The following POLD3 variants were observed in gnomAD, a reference collection of about 807,000 sequenced individuals.
POLD3 encodes the protein DNA polymerase delta subunit 3.
Under a neutral mutation model 58.2 loss-of-function variants are expected in POLD3, and 19 were observed. That is an observed-to-expected ratio of 0.33 (90% CI 0.23 to 0.48). The LOEUF (loss-of-function observed/expected upper bound fraction) is 0.48, where lower values mean the gene tolerates loss of function less well. POLD3 is among the 20% of genes least tolerant of loss of function. The probability of loss-of-function intolerance (pLI) is 0.99; values close to 1 mark genes in which losing one functional copy is unlikely to be tolerated. For synonymous variants in POLD3, 172 were observed against 193.5 expected (o/e 0.89, Z 0.92); for missense variants, 504 against 545.5 (o/e 0.92, Z 0.76).
chr11:74,594,672 C>T (rs957863045), intron 2 of POLD3, among the ~76,000 whole-genome samples: 2 of 152,216 alleles, frequency 1.3e-5, no homozygotes, highest in Non-Finnish European at 2.9e-5. Context: ...AGTCCATTCT[C>T]ATGCTGCTAT....
chr11:74,615,610 G>A (rs565759025), intron 5 of POLD3, among the ~76,000 whole-genome samples: 82 of 152,272 alleles, frequency 5.4e-4, no homozygotes, highest in African/African-American at 1.9e-3. Flanking sequence ...AGCTAAGGAG[G>A]GATTGAGACG....
intron 7 of POLD3, among the ~76,000 whole-genome samples, chr11:74,622,124 G>C (rs2032282861): frequency 1.4e-4 from 21 of 146,548 alleles, no homozygotes; most frequent in Middle Eastern, 3.5e-3. Context: ...TGCGGTGTTT[G>C]GTTTTTTGTT....
At chr11:74,607,240 TTATA>T (rs1554974446) in intron 3 of POLD3, among the ~76,000 whole-genome samples, 1 of 61,916 alleles carries the variant, frequency 1.6e-5, no homozygotes, top group African/African-American at 8.5e-5. Flanking sequence ...ATTATTATTA[TTATA>T]TATTTATTTA....
rs568862701 is a variant in POLD3, at chr11:74,618,569, C to G, written c.425C>G (p.Pro142Arg). ...GCTATACAATGTGCAGCTGCCGTCC[C>G]TAGAGCTCCTGCTGAATCCTCTTCG... ...FSAIQCAAAVPRAPAESSSSS... is the reference protein window; with the variant it reads ...FSAIQCAAAVRRAPAESSSSS... Residue 142 changes from proline (P) to arginine (R), a missense_variant, in exon 6 of 12, where the codon CCT (proline) becomes CGT (arginine). This residue lies in a region of POLD3 where 119 missense variants were observed against 175.0 expected (regional missense o/e 0.68). Coordinates refer to ENST00000263681, the MANE Select transcript of POLD3 (RefSeq NM_006591.3). The G allele has an allele frequency of 6.2e-7, 1 of 1,613,538 alleles. No individual in the cohort carries two copies. The highest frequency in any genetic ancestry group is 1.3e-5 in the African/African-American group (1 of 75,018).
chr11:74,596,241 C>T (rs960695941), intron 2 of POLD3, among the ~76,000 whole-genome samples: 22 of 149,698 alleles, frequency 1.5e-4, no homozygotes, highest in African/African-American at 4.0e-4. Context: ...TGGAGTCCAA[C>T]GGCGTGATCT....
At chr11:74,612,777 C>G (rs186529469) in intron 4 of POLD3, 101 bp from the exon 5 acceptor site, 2 of 1,011,264 alleles carry the variant, frequency 2.0e-6, no homozygotes, top group Non-Finnish European at 1.4e-6. Flanking sequence ...TTTGGACCAC[C>G]ACAGATTACA....
intron 8 of POLD3, among the ~76,000 whole-genome samples, chr11:74,625,810 T>C (rs992158336): frequency 3.9e-5 from 6 of 151,942 alleles, no homozygotes; most frequent in African/African-American, 1.5e-4. Context: ...TTGGCCGTAT[T>C]GATCTAAATT....
At chr11:74,595,102 G>A (rs1478700803) in intron 2 of POLD3, 1 of 149,270 alleles carries the variant, frequency 6.7e-6, no homozygotes, top group Non-Finnish European at 1.5e-5. Context: ...GAGTATTTCA[G>A]TTTCTCCACA....
At chr11:74,622,241 G>A (rs1189838125) in intron 7 of POLD3, among the ~76,000 whole-genome samples, 2 of 152,088 alleles carry the variant, frequency 1.3e-5, no homozygotes, top group Non-Finnish European at 2.9e-5. Context: ...TGGTGTATAT[G>A]TGCCACATTT....
chr11:74,592,907 A>G, intron 1 of POLD3, 189 bp downstream of exon 1: 1 of 1,427,408 alleles, frequency 7.0e-7, no homozygotes, highest in Non-Finnish European at 9.2e-7. Context: ...GTCCTCCAGC[A>G]CACACGGAAG....
At chr11:74,622,911 A>G (rs1313731008) in intron 7 of POLD3, among the ~76,000 whole-genome samples, 1 of 152,248 alleles carries the variant, frequency 6.6e-6, no homozygotes, top group East Asian at 1.9e-4. Context: ...ATTCTTCATA[A>G]TAGCCAAAAA....
intron 2 of POLD3, among the ~76,000 whole-genome samples, chr11:74,599,963 T>A (rs1049189577): frequency 2.0e-5 from 3 of 151,892 alleles, no homozygotes; most frequent in African/African-American, 7.3e-5. Context: ...ATTATTTTTT[T>A]TTTTTTTGAG....
chr11:74,634,041 A>G (rs2032674799), intron 9 of POLD3, among the ~76,000 whole-genome samples: 2 of 152,200 alleles, frequency 1.3e-5, no homozygotes, highest in South Asian at 4.1e-4. Context: ...TAACCTGAGG[A>G]TTATCTCCAC....
intron 4 of POLD3, among the ~76,000 whole-genome samples, chr11:74,657,164 C>A (rs900272277): frequency 1.3e-5 from 2 of 150,694 alleles, no homozygotes; most frequent in Admixed American, 1.3e-4. Flanking sequence ...AGTCTTTGTG[C>A]GTCTTTATAG....
At chr11:74,623,600 T>C (rs1432569360) in intron 7 of POLD3, among the ~76,000 whole-genome samples, 1 of 152,218 alleles carries the variant, frequency 6.6e-6, no homozygotes, top group Non-Finnish European at 1.5e-5. Context: ...TGTAAAGTGA[T>C]GAATTTTATT....
At chr11:74,659,363 G>A (rs112435054) in intron 4 of POLD3, among the ~76,000 whole-genome samples, 79 of 152,214 alleles carry the variant, frequency 5.2e-4, no homozygotes, top group African/African-American at 1.6e-3. Flanking sequence ...AGGGGCTGCC[G>A]TAAAGGTCTC....
chr11:74,613,609 A>G (rs776368222), intron 5 of POLD3, among the ~76,000 whole-genome samples: 15 of 152,060 alleles, frequency 9.9e-5, no homozygotes, highest in Non-Finnish European at 1.0e-4. Flanking sequence ...TTTAAATTCA[A>G]TGTAATAATG....
At chr11:74,619,805 G>T (rs1345124705) in intron 6 of POLD3, among the ~76,000 whole-genome samples, 3 of 152,132 alleles carry the variant, frequency 2.0e-5, no homozygotes, top group African/African-American at 7.2e-5. Flanking sequence ...AGATATATAA[G>T]AAACTAAGCT....
At chr11:74,613,793 G>T (rs1207417506) in intron 5 of POLD3, among the ~76,000 whole-genome samples, 1 of 152,194 alleles carries the variant, frequency 6.6e-6, no homozygotes, top group East Asian at 1.9e-4. Context: ...ACCTTTTCAT[G>T]TAACTGATGG....
Sources: allele counts gnomAD v4.1 joint callset (sites outside exome capture counted in the v4.1 genomes callset), GRCh38; gene constraint gnomAD v4.1.1; regional missense constraint gnomAD v4.1.1; transcripts MANE v1.5; gene names NCBI Gene and HGNC (gene_info 2026-07-23, HGNC 2026-07-21).